The following TMTC1 variants were observed in gnomAD, a reference collection of about 807,000 sequenced individuals.
TMTC1 encodes the protein protein O-mannosyl-transferase TMTC1.
Under a neutral mutation model 104.8 loss-of-function variants are expected in TMTC1, and 73 were observed. That is an observed-to-expected ratio of 0.70 (90% confidence interval 0.58 to 0.85). The LOEUF is 0.85. Among genes scored for constraint, TMTC1 ranks in the 40% least tolerant of loss-of-function variants. TMTC1 has a pLI of 0.00. For synonymous variants in TMTC1, 434 were observed against 428.7 expected, an observed-to-expected ratio of 1.01 and a Z score of -0.15; for missense variants, 1,035 against 1,096.1, an observed-to-expected ratio of 0.94 and a Z score of 0.79.
chr12:29,578,937 A>T (rs1436938320), intron 8 of TMTC1, among the ~76,000 whole-genome samples: 1 of 152,196 alleles, frequency 6.6e-6, no homozygotes, highest in Non-Finnish European at 1.5e-5. Context: ...ACTTTAAATC[A>T]AGTGCTGGGC....
intron 9 of TMTC1, among the ~76,000 whole-genome samples, chr12:29,566,565 G>A (rs1304663778): frequency 6.6e-6 from 1 of 152,142 alleles, no homozygotes; most frequent in Non-Finnish European, 1.5e-5. Context: ...GCTGTATTGA[G>A]AACAGACTGA....
intron 6 of TMTC1, among the ~76,000 whole-genome samples, chr12:29,609,521 C>A (rs1946788666): frequency 6.6e-6 from 1 of 152,206 alleles, no homozygotes; most frequent in Non-Finnish European, 1.5e-5. Flanking sequence ...TGTCAGCCTC[C>A]ACTTGAGCAA....
chr12:29,606,798 T>C (rs1470375579), intron 6 of TMTC1, among the ~76,000 whole-genome samples: 2 of 152,114 alleles, frequency 1.3e-5, no homozygotes, highest in Non-Finnish European at 2.9e-5. Flanking sequence ...GGCTTCTCTC[T>C]ATATCCCCAG....
rs73271768 is a variant in TMTC1, at chr12:29,683,957, T to A, written c.939-50621A>T. On this transcript the variant is annotated intron_variant, in intron 5 of 17. Transcript: ENST00000539277. ...CTCCCAGGCTCAAGCAATCCTCCCA[T>A]CTTAGCTTTCCAAGTAGCTGGGACT... Among the ~76,000 whole-genome samples the A allele has an allele frequency of 9.9e-3, 1,509 of 151,988 alleles. 32 individuals are homozygous for A. The highest frequency in any genetic ancestry group is 0.035 in the African/African-American group (1,433 of 41,454).
chr12:29,611,351 T>C (rs1946842081), intron 6 of TMTC1, among the ~76,000 whole-genome samples: 1 of 152,202 alleles, frequency 6.6e-6, no homozygotes, highest in Non-Finnish European at 1.5e-5. Flanking sequence ...TTTACTCTAA[T>C]TGAGAATAAA....
chr12:29,654,736 A>G (rs1175931638), intron 5 of TMTC1, among the ~76,000 whole-genome samples: 1 of 149,992 alleles, frequency 6.7e-6, no homozygotes, highest in Non-Finnish European at 1.5e-5. Context: ...AAAAAAAATG[A>G]GATGTATGGT....
At chr12:29,751,621 C>G (rs777026392) in intron 5 of TMTC1, 45 bp downstream of exon 5, 3 of 1,606,750 alleles carry the variant, frequency 1.9e-6, no homozygotes, top group Middle Eastern at 1.7e-4. Flanking sequence ...CTAGGTGATG[C>G]TGGACATTGA....
chr12:29,623,735 C>T (rs769567678), intron 6 of TMTC1, among the ~76,000 whole-genome samples: 5 of 152,104 alleles, frequency 3.3e-5, no homozygotes, highest in African/African-American at 1.2e-4. Context: ...ATCGCTTGAA[C>T]CCGGGAGACG....
chr12:29,647,626 C>T (rs367787553), intron 5 of TMTC1, among the ~76,000 whole-genome samples: 1 of 152,120 alleles, frequency 6.6e-6, no homozygotes, highest in African/African-American at 2.4e-5. Flanking sequence ...GAAGATGTTG[C>T]GTTCTAGTTT....
chr12:29,689,097 C>T (rs1049737112), intron 5 of TMTC1, among the ~76,000 whole-genome samples: 1 of 152,124 alleles, frequency 6.6e-6, no homozygotes, highest in Non-Finnish European at 1.5e-5. Context: ...CTATTTTAGG[C>T]CACACAGATG....
At chr12:29,642,121 G>C (rs1173294318) in intron 5 of TMTC1, among the ~76,000 whole-genome samples, 1 of 152,168 alleles carries the variant, frequency 6.6e-6, no homozygotes, top group Non-Finnish European at 1.5e-5. Context: ...AGAATAATCA[G>C]TGTTCCTGAG....
At position 29,500,933 on chromosome 12, in the gene TMTC1, G is replaced by T. The variant is rs1158678178; in HGVS notation, c.*5913C>A. 4.6e-5 allele frequency: 7 copies of T among 152,302 alleles called. No homozygotes were observed. The East Asian group carries it at 1.2e-3, about 26-fold the overall frequency. 9.4% of individuals were successfully genotyped at this position (152,302 alleles called of 1,614,324 possible). On this transcript the variant is annotated 3_prime_UTR_variant, in exon 18 of 18. Transcript: ENST00000539277. ...GTATACATCATTAGACTCAATGGGA[G>T]AAATACTTTATGGAAGATAAATTCT...
chr12:29,712,774 A>T (rs193003300), intron 5 of TMTC1, among the ~76,000 whole-genome samples: 149 of 152,328 alleles, frequency 9.8e-4, no homozygotes, highest in African/African-American at 3.3e-3. Flanking sequence ...AGCTTTCCAG[A>T]TAATTGCAGA....
intron 1 of TMTC1, among the ~76,000 whole-genome samples, chr12:29,768,654 A>G (rs1592033707): frequency 6.6e-6 from 1 of 152,214 alleles, no homozygotes; most frequent in Non-Finnish European, 1.5e-5. Flanking sequence ...CCTACAGGCT[A>G]TTACCAGCTG....
chr12:29,750,084 C>A, intron 5 of TMTC1, among the ~76,000 whole-genome samples: 1 of 151,808 alleles, frequency 6.6e-6, no homozygotes. Flanking sequence ...CACACACACA[C>A]ACACACACAC....
intron 7 of TMTC1, among the ~76,000 whole-genome samples, chr12:29,585,291 GT>G (rs1344909395): frequency 1.3e-5 from 2 of 152,086 alleles, no homozygotes; most frequent in Admixed American, 6.5e-5. Flanking sequence ...GGGGTTGTTT[GT>G]TTTTTTCTTG....
intron 17 of TMTC1, among the ~76,000 whole-genome samples, chr12:29,507,397 C>T (rs1847793621): frequency 6.6e-6 from 1 of 152,154 alleles, no homozygotes; most frequent in South Asian, 2.1e-4. Context: ...GTTTTTAAAA[C>T]TGCAAGAAGA....
chr12:29,651,083 G>C (rs956609300), intron 5 of TMTC1, among the ~76,000 whole-genome samples: 10 of 152,204 alleles, frequency 6.6e-5, no homozygotes, highest in Non-Finnish European at 1.3e-4. Flanking sequence ...GGGGGCACAT[G>C]ACTACTTCTG....
At chr12:29,753,308 A>C (rs1943136447) in intron 4 of TMTC1, among the ~76,000 whole-genome samples, 1 of 152,208 alleles carries the variant, frequency 6.6e-6, no homozygotes, top group South Asian at 2.1e-4. Context: ...ACGACCCCCC[A>C]GATACTCAGA....
Sources: allele counts gnomAD v4.1 joint callset (sites outside exome capture counted in the v4.1 genomes callset), GRCh38; gene constraint gnomAD v4.1.1; transcripts MANE v1.5; gene names NCBI Gene and HGNC (gene_info 2026-07-23, HGNC 2026-07-21).